Variants in ACTL8 observed in about 807,000 individuals in gnomAD.
ACTL8 encodes the protein actin like 8, also known as actin-like protein 8.
Under a neutral mutation model 9.3 loss-of-function variants are expected in ACTL8, and 3 were observed. The ratio of observed to expected loss-of-function variants is 0.32; its 90% CI spans 0.15 to 0.83. The LOEUF is 0.83. Ranked by LOEUF, ACTL8 falls within the 40% of genes least tolerant of loss-of-function variation. The pLI is 0.57. For missense variants in ACTL8, 381 were observed against 492.2 expected (o/e 0.77, Z 2.14); for synonymous variants, 224 against 205.9 (o/e 1.09, Z -0.75).
chr1:17,814,267 C>G (rs192646077), intron 1 of ACTL8, among the ~76,000 whole-genome samples: 14 of 152,298 alleles, frequency 9.2e-5, no homozygotes, highest in South Asian at 2.1e-4. Flanking sequence ...GAAGCCAAGG[C>G]AGGAAGAACG....
In ACTL8 at chr1:17,826,504, G is replaced by A; in HGVS notation, c.1086G>A (p.Glu362=). 2.5e-6 allele frequency: 4 copies of A among 1,575,552 alleles called. No individual in the cohort carries two copies. The highest frequency in any genetic ancestry group is 2.6e-6 in the Non-Finnish European group (3 of 1,155,766). ...SEWMSREEYG[E]HMRM is the part of the protein sequence containing the mutation. ...GGATGTCCCGAGAGGAGTATGGTGA[G>A]CATATGAGGATGTGACCCTACTGGC... The change falls in exon 3 of 3, where the codon GAG becomes GAA. Residue 362 remains glutamate (E), a synonymous_variant. Transcript: ENST00000375406. This position sits in a 1 kb window ranked among gnomAD's most constrained non-coding sequence, Gnocchi z 4.5.
chr1:17,759,355 C>A, intron 1 of ACTL8, among the ~76,000 whole-genome samples: 1 of 152,212 alleles, frequency 6.6e-6, no homozygotes, highest in East Asian at 1.9e-4. Context: ...CAGCACGTGC[C>A]GCTCAGTGCT....
rs765972298 is a variant in ACTL8 at position 17,776,969 on chromosome 1, ATTTTTTTTTTTTT to A, written c.-25+21489_-25+21501del. Among the ~76,000 whole-genome samples, 183 of 50,542 alleles carry A rather than the reference ATTTTTTTTTTTTT, an allele frequency of 3.6e-3. 3 individuals are homozygous for A. The highest frequency in any genetic ancestry group is 4.2e-3 in the African/African-American group (54 of 12,720). 33.2% of individuals were successfully genotyped at this position (50,542 alleles called of 152,430 possible). A position where few individuals can be genotyped will look rare whatever the true frequency, so the allele number is the denominator to read the frequency against. ...CATCCACCACCGTTCCTGGCTAATG[ATTTTTTTTTTTTT>A]TTTTTTTTTTTTTTTTTTTTTTTAG... On this transcript the variant is annotated intron_variant, in intron 1 of 2. Transcript: ENST00000375406.
At chr1:17,789,112 A>G (rs1055595704) in intron 1 of ACTL8, among the ~76,000 whole-genome samples, 15 of 152,250 alleles carry the variant, frequency 9.9e-5, no homozygotes, top group African/African-American at 3.6e-4. Flanking sequence ...AAGGCAGTGC[A>G]TGTTCTTAAT....
At chr1:17,815,196 A>G (rs1038196703) in intron 1 of ACTL8, among the ~76,000 whole-genome samples, 30 of 152,356 alleles carry the variant, frequency 2.0e-4, no homozygotes, top group African/African-American at 6.7e-4. Context: ...TTCAATGGCC[A>G]TACATATTTT....
chr1:17,766,845 T>C (rs1033199476), intron 1 of ACTL8, among the ~76,000 whole-genome samples: 1 of 152,200 alleles, frequency 6.6e-6, no homozygotes, highest in Admixed American at 6.5e-5. Context: ...TGTTCATTTG[T>C]TCATTCATTC....
At chr1:17,790,181 C>A (rs1449112957) in intron 1 of ACTL8, among the ~76,000 whole-genome samples, 1 of 152,204 alleles carries the variant, frequency 6.6e-6, no homozygotes, top group Non-Finnish European at 1.5e-5. Flanking sequence ...CACAAAGGCA[C>A]TCGGAAGCTT....
At chr1:17,812,215 C>G (rs1404352060) in intron 1 of ACTL8, among the ~76,000 whole-genome samples, 2 of 151,978 alleles carry the variant, frequency 1.3e-5, no homozygotes, top group Non-Finnish European at 2.9e-5. Context: ...GTGAGTCTTC[C>G]AACTTTGTTC....
intron 1 of ACTL8, among the ~76,000 whole-genome samples, chr1:17,780,061 A>G (rs543877724): frequency 6.6e-6 from 1 of 151,804 alleles, no homozygotes; most frequent in Admixed American, 6.6e-5. Flanking sequence ...AACCAAATTA[A>G]CTGGTTGTAG....
chr1:17,823,410 A>G lies in ACTL8; in HGVS notation c.348+54A>G. 3 of 1,484,270 alleles carry G rather than the reference A, an allele frequency of 2.0e-6. No homozygotes were observed. The highest frequency in any genetic ancestry group is 2.0e-5 in the Admixed American group (1 of 49,958). The allele number at this position is 1,484,270 out of a possible 1,614,324, so 91.9% of individuals were successfully genotyped here. On this transcript the variant is annotated intron_variant, in intron 2 of 2. Transcript: ENST00000375406. This position sits in a 1 kb window ranked among gnomAD's most constrained non-coding sequence, Gnocchi z 5.3. ...CGGGAGCGGGAAACAGACTGACACT[A>G]TGTCTGGACTGATTGGGCACCAGGA... is the stretch of plus-strand genomic sequence containing the variant.
intron 1 of ACTL8, among the ~76,000 whole-genome samples, chr1:17,819,198 C>T (rs1035976925): frequency 2.0e-5 from 3 of 152,204 alleles, no homozygotes; most frequent in East Asian, 1.9e-4. Context: ...ATGCCAGGGC[C>T]GAGAAGCATT....
intron 1 of ACTL8, among the ~76,000 whole-genome samples, chr1:17,821,806 A>G (rs2053662559): frequency 6.6e-6 from 1 of 152,060 alleles, no homozygotes; most frequent in Non-Finnish European, 1.5e-5. Flanking sequence ...TTGTACTTCT[A>G]GTAGAGATGG....
At chr1:17,781,181 C>G (rs548827802) in intron 1 of ACTL8, among the ~76,000 whole-genome samples, 2 of 151,830 alleles carry the variant, frequency 1.3e-5, no homozygotes, top group African/African-American at 4.8e-5. Context: ...TGGCCTTCCT[C>G]TCTGTGTGTC....
rs1160221653 is a variant in ACTL8 at position 17,823,587 on chromosome 1, T to G, written c.348+231T>G. ...GTGAGACCCCTGTCTCTATAAAAAA[T>G]ACAAAAATTAGCCAGGTGTGGTCCC... On this transcript the variant is annotated intron_variant, in intron 2 of 2. Coordinates refer to ENST00000375406, the MANE Select transcript of ACTL8 (RefSeq NM_030812.3). The surrounding 1 kb of genome is among the most constrained non-coding windows in gnomAD (Gnocchi z 5.3). 6.6e-6 allele frequency among the ~76,000 whole-genome samples: 1 copy of G among 151,674 alleles called. No homozygotes were observed.
chr1:17,801,267 C>A (rs1462048335), intron 1 of ACTL8, among the ~76,000 whole-genome samples: 3 of 152,204 alleles, frequency 2.0e-5, no homozygotes, highest in Non-Finnish European at 4.4e-5. Context: ...CAAGGTCACA[C>A]AGCTGGTCAG....
rs2066052858 is a variant in ACTL8 at position 17,767,496 on chromosome 1, G to T, written c.-25+11992G>T. ...CTGCACATCCTTCTCTCCCGGCTAA[G>T]ACCTTCCCTGCTCTCCTGGGGGTTG... On this transcript the variant is annotated intron_variant, in intron 1 of 2. Coordinates refer to ENST00000375406, the MANE Select transcript of ACTL8 (RefSeq NM_030812.3). This position sits in a 1 kb window ranked among gnomAD's most constrained non-coding sequence, Gnocchi z 4.7. Among the ~76,000 whole-genome samples, 1 of 152,148 alleles carries T rather than the reference G, an allele frequency of 6.6e-6. No individual in the cohort carries two copies. Among genetic ancestry groups the T allele is most frequent in the South Asian group, 2.1e-4 (1 of 4,830 alleles).
chr1:17,758,414 C>T (rs2065980846), intron 1 of ACTL8, among the ~76,000 whole-genome samples: 1 of 152,174 alleles, frequency 6.6e-6, no homozygotes, highest in Non-Finnish European at 1.5e-5. Flanking sequence ...AAGTTCTAGG[C>T]CCGGTAGCCA....
intron 1 of ACTL8, among the ~76,000 whole-genome samples, chr1:17,799,610 T>C (rs67783275): frequency 0.12 from 17,357 of 150,286 alleles, 1,121 homozygotes; most frequent in Admixed American, 0.16. Context: ...CTCTTTTTTT[T>C]CTCTGGCCTT....
intron 1 of ACTL8, among the ~76,000 whole-genome samples, chr1:17,796,079 G>T (rs1035112727): frequency 6.6e-5 from 10 of 152,190 alleles, no homozygotes; most frequent in African/African-American, 2.4e-4. Context: ...GGGAAATGCT[G>T]CTCTTTCCTG....
Sources: gnomAD v4.1 joint callset for allele counts (sites outside exome capture counted in the v4.1 genomes callset) on GRCh38, gnomAD v4.1.1 for gene constraint, Gnocchi (gnomAD v3.1) non-coding constraint, MANE v1.5 for transcripts, NCBI Gene and HGNC (gene_info 2026-07-23, HGNC 2026-07-21) for gene names.